AK7: variants seen among roughly 807,000 people sequenced by gnomAD.
AK7 encodes adenylate kinase 7, also known as ATP-AMP transphosphorylase 7.
In AK7, 78 loss-of-function variants were observed where a neutral mutation model predicts 96.6. The observed-to-expected ratio is 0.81, with a 90% CI of 0.67 to 0.97. AK7 has a LOEUF of 0.97. Among genes scored for constraint, AK7 ranks in the 50% least tolerant of loss-of-function variants. The pLI, the probability that AK7 is intolerant of heterozygous loss-of-function variation, is 0.00. For missense variants in AK7, 855 were observed against 887.9 expected (o/e 0.96, Z 0.47); for synonymous variants, 302 against 317.2 (o/e 0.95, Z 0.51).
intron 4 of AK7, among the ~76,000 whole-genome samples, chr14:96,420,170 AAAGCAT>A (rs1330979763): frequency 6.6e-6 from 1 of 151,454 alleles, no homozygotes; most frequent in African/African-American, 2.4e-5. Flanking sequence ...CTGGCCTCCT[AAAGCAT>A]TTTTAAGAAG....
chr14:96,462,388 A>T (rs1255216589), intron 12 of AK7, among the ~76,000 whole-genome samples: 1 of 152,136 alleles, frequency 6.6e-6, no homozygotes, highest in East Asian at 1.9e-4. Flanking sequence ...ACAAAACAAG[A>T]CCTTTGAACC....
chr14:96,435,872 C>A (rs1157425658), intron 5 of AK7, among the ~76,000 whole-genome samples: 1 of 152,126 alleles, frequency 6.6e-6, no homozygotes, highest in Non-Finnish European at 1.5e-5. Flanking sequence ...CCTCCTGCAG[C>A]ACCCAGAGAT....
chr14:96,464,153 G>A (rs1216872447), intron 12 of AK7, among the ~76,000 whole-genome samples: 1 of 152,124 alleles, frequency 6.6e-6, no homozygotes, highest in Non-Finnish European at 1.5e-5. Flanking sequence ...ACCCCACAGT[G>A]AGAAGAGATA....
At chr14:96,446,375 C>A (rs1359397678) in intron 7 of AK7, 142 bp from the exon 8 acceptor site, 6 of 678,004 alleles carry the variant, frequency 8.8e-6, no homozygotes, top group East Asian at 5.4e-5. Flanking sequence ...CCATCCCAAC[C>A]CTGACCGTAT....
At chr14:96,418,984 G>T (rs1472675433) in intron 4 of AK7, among the ~76,000 whole-genome samples, 1 of 152,054 alleles carries the variant, frequency 6.6e-6, no homozygotes, top group African/African-American at 2.4e-5. Flanking sequence ...GCTCCAACAC[G>T]GATCTCTGAA....
intron 12 of AK7, among the ~76,000 whole-genome samples, chr14:96,470,876 C>T (rs1029054304): frequency 6.6e-6 from 1 of 152,150 alleles, no homozygotes; most frequent in Non-Finnish European, 1.5e-5. Context: ...GAGCTCTCTG[C>T]ATTACTCCAG....
intron 12 of AK7, among the ~76,000 whole-genome samples, chr14:96,466,350 C>A (rs1397703819): frequency 6.6e-6 from 1 of 152,082 alleles, no homozygotes; most frequent in Non-Finnish European, 1.5e-5. Context: ...CATTCTCCTG[C>A]CTCAGCCTCA....
chr14:96,417,301 A>AT (rs5810771), intron 4 of AK7, among the ~76,000 whole-genome samples: 130,268 of 152,252 alleles, frequency 0.86, 55,934 homozygotes, highest in East Asian at 0.96. Flanking sequence ...CCTGTGCAAT[A>AT]TGAAGACAAG....
chr14:96,463,238 GTTC>G, intron 12 of AK7, among the ~76,000 whole-genome samples: 1 of 152,216 alleles, frequency 6.6e-6, no homozygotes, highest in South Asian at 2.1e-4. Flanking sequence ...TTAACATTGC[GTTC>G]TTTTCTGCTG....
chr14:96,465,046 C>A (rs1386191301), intron 12 of AK7, among the ~76,000 whole-genome samples: 2 of 152,202 alleles, frequency 1.3e-5, no homozygotes, highest in African/African-American at 4.8e-5. Flanking sequence ...TTTTATTTTA[C>A]CTCAATATAC....
chr14:96,423,831 C>T, intron 5 of AK7: 2 of 785,026 alleles, frequency 2.5e-6, no homozygotes, highest in East Asian at 2.6e-5. Flanking sequence ...CGGTGGTCTC[C>T]GGAGCGGTTG....
At chr14:96,392,733 G>A (rs1889828686) in intron 1 of AK7, among the ~76,000 whole-genome samples, 1 of 151,964 alleles carries the variant, frequency 6.6e-6, no homozygotes, top group African/African-American at 2.4e-5. Context: ...GCGCGATCTC[G>A]GCTCACTGCA....
At chr14:96,480,429 C>CAA (rs113409063) in intron 15 of AK7, among the ~76,000 whole-genome samples, 1 of 132,578 alleles carries the variant, frequency 7.5e-6, no homozygotes, top group African/African-American at 2.7e-5. Flanking sequence ...GACTCTGTCT[C>CAA]AAAAAAAAAA....
In AK7 at chr14:96,392,646, C is replaced by A. The variant is rs1039749489; in HGVS notation, c.105+387C>A. On this transcript the variant is annotated intron_variant, in intron 1 of 17. Coordinates refer to ENST00000267584, the MANE Select transcript of AK7 (RefSeq NM_152327.5). Reference sequence around the variant, plus strand: ...ACCCTTCCATCGATTTTGAAGCAGGCAGCTAAACGAGAAAATAAATCAATT... The same window carrying A: ...ACCCTTCCATCGATTTTGAAGCAGGAAGCTAAACGAGAAAATAAATCAATT... 4.7e-5 allele frequency among the ~76,000 whole-genome samples: 7 copies of A among 147,542 alleles called. 1 individual carries two copies. Among genetic ancestry groups the A allele is most frequent in the Non-Finnish European group, 8.9e-5 (6 of 67,068 alleles).
intron 15 of AK7, among the ~76,000 whole-genome samples, chr14:96,481,799 G>A (rs1895519878): frequency 6.6e-6 from 1 of 150,878 alleles, no homozygotes; most frequent in African/African-American, 2.5e-5. Context: ...CTGCTTCCCG[G>A]GTTCAAGTGA....
intron 3 of AK7, among the ~76,000 whole-genome samples, chr14:96,406,379 C>A (rs1218845622): frequency 6.6e-6 from 1 of 152,228 alleles, no homozygotes; most frequent in East Asian, 1.9e-4. Context: ...AGCTTTGACA[C>A]TGCATTTCCT....
intron 16 of AK7, 140 bp downstream of exon 16, chr14:96,483,359 C>T: frequency 3.6e-6 from 3 of 842,042 alleles, no homozygotes; most frequent in Non-Finnish European, 5.4e-6. Flanking sequence ...TTTGTGTTTG[C>T]TTTTTGTCAT....
In AK7 at chr14:96,418,434, G is replaced by A. The variant is rs147595524; in HGVS notation, c.499-2388G>A. ...CCTGATAATCTGGCTCTCACCTACC[G>A]CATCCCCTACCAATTCCCAGCTTGG... On this transcript the variant is annotated intron_variant, in intron 4 of 17. Coordinates refer to ENST00000267584, the MANE Select transcript of AK7 (RefSeq NM_152327.5). Among the ~76,000 whole-genome samples, 82 of 149,170 alleles carry A rather than the reference G, an allele frequency of 5.5e-4. 1 individual carries two copies. In the East Asian group the frequency reaches 0.01, roughly 19 times the overall value.
intron 16 of AK7, among the ~76,000 whole-genome samples, chr14:96,486,001 G>T (rs1330680417): frequency 6.6e-6 from 1 of 151,792 alleles, no homozygotes; most frequent in Non-Finnish European, 1.5e-5. Flanking sequence ...TTTCACCGTG[G>T]TCTCGATCTC....
Sources: gnomAD v4.1 joint callset for allele counts (sites outside exome capture counted in the v4.1 genomes callset) on GRCh38, gnomAD v4.1.1 for gene constraint, MANE v1.5 for transcripts, NCBI Gene and HGNC (gene_info 2026-07-23, HGNC 2026-07-21) for gene names.